The following ADAMTS15 variants were observed in gnomAD, a reference collection of about 807,000 sequenced individuals.
ADAMTS15 encodes the protein ADAM metallopeptidase with thrombospondin type 1 motif 15, also known as A disintegrin and metalloproteinase with thrombospondin motifs 15.
A neutral mutation model predicts 79.1 loss-of-function variants in ADAMTS15; 35 were observed. That is an observed-to-expected ratio of 0.44 (90% confidence interval 0.34 to 0.59). The LOEUF is 0.59. Among genes scored for constraint, ADAMTS15 ranks in the 20% least tolerant of loss-of-function variants. ADAMTS15 has a pLI of 0.02. For synonymous variants in ADAMTS15, 616 were observed against 567.3 expected (o/e 1.09, Z -1.22); for missense variants, 1,324 against 1,318.7 (o/e 1.00, Z -0.06).
intron 5 of ADAMTS15, among the ~76,000 whole-genome samples, chr11:130,470,166 A>ATATATATATG (rs1938408944): frequency 1.7e-5 from 1 of 57,584 alleles, no homozygotes; most frequent in African/African-American, 1.0e-4. Flanking sequence ...ATATATATAT[A>ATATATATATG]TATATATATA....
At chr11:130,464,892 G>A (rs1431233846) in intron 4 of ADAMTS15, among the ~76,000 whole-genome samples, 2 of 151,738 alleles carry the variant, frequency 1.3e-5, no homozygotes, top group Non-Finnish European at 2.9e-5. Flanking sequence ...GCTTGAACAC[G>A]GGAGGCAGAG....
intron 1 of ADAMTS15, among the ~76,000 whole-genome samples, chr11:130,458,348 C>G (rs1938131239): frequency 2.0e-5 from 3 of 152,242 alleles, no homozygotes; most frequent in African/African-American, 7.2e-5. Flanking sequence ...GCCCGAGCCA[C>G]TGCATCCTGC....
chr11:130,462,928 C>T lies in ADAMTS15; in HGVS notation c.1542+148C>T, dbSNP rs1938233178. 2 of 1,089,190 alleles carry T rather than the reference C, an allele frequency of 1.8e-6. No individual in the cohort carries two copies. Among genetic ancestry groups the T allele is most frequent in the South Asian group, 1.7e-5 (1 of 58,322 alleles). The allele number at this position is 1,089,190 out of a possible 1,614,324, so 67.5% of individuals were successfully genotyped here. ...CTGTTGCATGGCTGAGCTGTGCCTT[C>T]ACTGCCCTGTATATAGTCCTATCCC... On this transcript the variant is annotated intron_variant, in intron 4 of 7. Coordinates refer to ENST00000299164, the MANE Select transcript of ADAMTS15 (RefSeq NM_139055.4). The surrounding 1 kb of genome is among the most constrained non-coding windows in gnomAD (Gnocchi z 4.3).
chr11:130,455,749 G>A (rs896765684), intron 1 of ADAMTS15, among the ~76,000 whole-genome samples: 4 of 152,180 alleles, frequency 2.6e-5, no homozygotes, highest in Admixed American at 2.6e-4. Context: ...CAGCAGACAA[G>A]GTGCATGGCA....
Position 130,462,036 on chromosome 11 carries a change from A to AC in ADAMTS15, c.1091-46dup. On this transcript the variant is annotated intron_variant, in intron 2 of 7. Coordinates refer to ENST00000299164, the MANE Select transcript of ADAMTS15 (RefSeq NM_139055.4). This position sits in a 1 kb window ranked among gnomAD's most constrained non-coding sequence, Gnocchi z 4.3. ...TTCCCCTGCCCCATTCCTCCCTCCA[A>AC]CCCCCATGTCCTTCCTCCTGCCCTC... 1 of 1,548,644 alleles carries AC rather than the reference A, an allele frequency of 6.5e-7. No individual in the cohort carries two copies. Among genetic ancestry groups the AC allele is most frequent in the East Asian group, 2.3e-5 (1 of 44,038 alleles).
rs906504659 is a variant in ADAMTS15 at position 130,472,709 on chromosome 11, G to A, written c.2079-338G>A. Reference sequence around the variant, plus strand: ...CCTCCTCCTCCTCCTCCTCCTCCTCGTCCTCATGGCAGATGTCTACATATC... The same window carrying A: ...CCTCCTCCTCCTCCTCCTCCTCCTCATCCTCATGGCAGATGTCTACATATC... On this transcript the variant is annotated intron_variant, in intron 7 of 7. Transcript: ENST00000299164. The surrounding 1 kb of genome is among the most constrained non-coding windows in gnomAD (Gnocchi z 4.7). Among the ~76,000 whole-genome samples the A allele has an allele frequency of 3.5e-5, 4 of 115,818 alleles. No homozygotes were observed. The highest frequency in any genetic ancestry group is 1.8e-4 in the Admixed American group (2 of 10,904). The allele number at this position is 115,818 out of a possible 152,430, so 76.0% of individuals were successfully genotyped here. A position where few individuals can be genotyped will look rare whatever the true frequency, so the allele number is the denominator to read the frequency against.
chr11:130,449,339 G>A lies in ADAMTS15; in HGVS notation c.366G>A (p.Gly122=), dbSNP rs1937905264. Residue 122 remains glycine (G), a synonymous_variant, in exon 1 of 8, where the codon GGG becomes GGA. Coordinates refer to ENST00000299164, the MANE Select transcript of ADAMTS15 (RefSeq NM_139055.4). The surrounding 1 kb of genome is among the most constrained non-coding windows in gnomAD (Gnocchi z 7.8). The part of the protein sequence containing the change: ...DSFAAVSLCG[G]LRGAFGYRGA... ...TCGCTGCTGTGAGCCTGTGCGGGGGGCTCCGCGGAGCCTTTGGCTACCGAG... is the reference window on the plus strand; with the variant it reads ...TCGCTGCTGTGAGCCTGTGCGGGGGACTCCGCGGAGCCTTTGGCTACCGAG... 2.5e-6 allele frequency: 4 copies of A among 1,608,268 alleles called. No individual in the cohort carries two copies. In the Middle Eastern group the frequency reaches 5.0e-4, roughly 199 times the overall value.
chr11:130,449,205 G>A lies in ADAMTS15; in HGVS notation c.232G>A (p.Ala78Thr). 1.2e-6 allele frequency: 2 copies of A among 1,613,954 alleles called. No homozygotes were observed. The highest frequency in any genetic ancestry group is 2.2e-5 in the South Asian group (2 of 91,078). The change falls in exon 1 of 8, where the codon GCC becomes ACC. Residue 78 changes from alanine (A) to threonine (T), a missense_variant. Coordinates refer to ENST00000299164, the MANE Select transcript of ADAMTS15 (RefSeq NM_139055.4). This position sits in a 1 kb window ranked among gnomAD's most constrained non-coding sequence, Gnocchi z 7.8. ...LTPDAQFLAP[A>T]FSTEHLGVPL... ...GCCGGATGCTCAGTTCTTGGCTCCC[G>A]CCTTCTCCACTGAGCATCTGGGCGT... is the stretch of plus-strand genomic sequence containing the variant.
chr11:130,452,704 C>A (rs895609228), intron 1 of ADAMTS15, among the ~76,000 whole-genome samples: 3 of 152,204 alleles, frequency 2.0e-5, no homozygotes, highest in African/African-American at 7.2e-5. Context: ...TGGCCTTGGC[C>A]GGGCGCAGTG....
rs758998311 is a variant in ADAMTS15, at chr11:130,470,837, C to T, written c.1721-83C>T. 253 of 1,469,674 alleles carry T rather than the reference C, an allele frequency of 1.7e-4. 1 individual carries two copies. The highest frequency in any genetic ancestry group is 2.5e-4 in the Middle Eastern group (1 of 4,008). 91.0% of individuals were successfully genotyped at this position (1,469,674 alleles called of 1,614,324 possible). A position where few individuals can be genotyped will look rare whatever the true frequency, so the allele number is the denominator to read the frequency against. On this transcript the variant is annotated intron_variant, in intron 5 of 7. Coordinates refer to ENST00000299164, the MANE Select transcript of ADAMTS15 (RefSeq NM_139055.4). ...AGGGTGGGAAGGGCTAAGAGAGCCA[C>T]GGCAGGCTGGGAGGGAGGCTTGTCC... is the stretch of plus-strand genomic sequence containing the variant.
At chr11:130,461,946 T>C (rs1349227126) in intron 2 of ADAMTS15, 141 bp from the exon 3 acceptor site, 2 of 1,020,492 alleles carry the variant, frequency 2.0e-6, no homozygotes, top group East Asian at 4.9e-5. Flanking sequence ...CTTGAGGACA[T>C]TTGAAAGCAG....
rs984110317 is a variant in ADAMTS15 at position 130,475,639 on chromosome 11, G to A, written c.*1818G>A. The A allele has an allele frequency of 1.3e-5, 2 of 152,388 alleles. No individual in the cohort carries two copies. Among genetic ancestry groups the A allele is most frequent in the Non-Finnish European group, 2.9e-5 (2 of 68,196 alleles). The allele number at this position is 152,388 out of a possible 1,614,324, so 9.4% of individuals were successfully genotyped here. A position where few individuals can be genotyped will look rare whatever the true frequency, so the allele number is the denominator to read the frequency against. ...GGTCTAACGCTGGGCTGGAAACCTT[G>A]GACAGAGTTCATGCGGGGGCAGAGG... On this transcript the variant is annotated 3_prime_UTR_variant, in exon 8 of 8. Coordinates refer to ENST00000299164, the MANE Select transcript of ADAMTS15 (RefSeq NM_139055.4).
chr11:130,461,189 T>C (rs1453476828), intron 1 of ADAMTS15, among the ~76,000 whole-genome samples: 1 of 152,134 alleles, frequency 6.6e-6, no homozygotes, highest in African/African-American at 2.4e-5. Flanking sequence ...GTAGTGGCCC[T>C]TGTAGTTTAA....
In ADAMTS15 at chr11:130,462,480, C is replaced by A; in HGVS notation, c.1259-17C>A. The A allele has an allele frequency of 6.4e-7, 1 of 1,570,546 alleles. No individual in the cohort carries two copies. The highest frequency in any genetic ancestry group is 1.2e-5 in the South Asian group (1 of 84,882). The stretch of plus-strand genomic sequence containing the variant: ...TCTTCCCAGCTCATCCTAACGAACG[C>A]CCTCGGCTCTCTGCAGGTGACTGCC... On this transcript the variant is annotated splice_polypyrimidine_tract_variant and intron_variant, in intron 3 of 7. Coordinates refer to ENST00000299164, the MANE Select transcript of ADAMTS15 (RefSeq NM_139055.4). This position sits in a 1 kb window ranked among gnomAD's most constrained non-coding sequence, Gnocchi z 4.3.
At chr11:130,464,669 T>A (rs547668083) in intron 4 of ADAMTS15, among the ~76,000 whole-genome samples, 1 of 152,260 alleles carries the variant, frequency 6.6e-6, no homozygotes, top group Admixed American at 6.5e-5. Flanking sequence ...TGGTCTCAGT[T>A]TAAATTCATG....
intron 1 of ADAMTS15, among the ~76,000 whole-genome samples, chr11:130,460,632 C>A (rs1224225393): frequency 6.6e-6 from 1 of 152,180 alleles, no homozygotes; most frequent in Non-Finnish European, 1.5e-5. Context: ...ATCCTATTTC[C>A]AACTTTTGGG....
chr11:130,462,017 T>G lies in ADAMTS15; in HGVS notation c.1091-70T>G. 1,655 of 1,021,632 alleles carry G rather than the reference T, an allele frequency of 1.6e-3. No homozygotes were observed. Among genetic ancestry groups the G allele is most frequent in the Non-Finnish European group, 2.3e-3 (1,510 of 668,738 alleles). The allele number at this position is 1,021,632 out of a possible 1,614,324, so 63.3% of individuals were successfully genotyped here. A position where few individuals can be genotyped will look rare whatever the true frequency, so the allele number is the denominator to read the frequency against. ...TCTGACATGGGCTTTCTAGTTCCCC[T>G]GCCCCATTCCTCCCTCCAACCCCCA... On this transcript the variant is annotated intron_variant, in intron 2 of 7. Transcript: ENST00000299164. This position sits in a 1 kb window ranked among gnomAD's most constrained non-coding sequence, Gnocchi z 4.3.
rs762890434 is a variant in ADAMTS15, at chr11:130,449,312, G to C, written c.339G>C (p.Ser113=). 1 of 1,610,494 alleles carries C rather than the reference G, an allele frequency of 6.2e-7. No individual in the cohort carries two copies. Among genetic ancestry groups the C allele is most frequent in the South Asian group, 1.1e-5 (1 of 91,092 alleles). The change falls in exon 1 of 8, where the codon TCG becomes TCC. Residue 113 remains serine, a synonymous_variant. Transcript: ENST00000299164. This position sits in a 1 kb window ranked among gnomAD's most constrained non-coding sequence, Gnocchi z 7.8. ...YSGDVNAEPD[S]FAAVSLCGGL... ...GGGACGTGAACGCCGAGCCGGACTC[G>C]TTCGCTGCTGTGAGCCTGTGCGGGG...
At chr11:130,471,404 G>A in intron 7 of ADAMTS15, 21 bp downstream of exon 7, 2 of 1,591,184 alleles carry the variant, frequency 1.3e-6, no homozygotes, top group Non-Finnish European at 1.7e-6. Context: ...GGCCCTGAAG[G>A]TCCTGCCAGG....
Sources: gnomAD v4.1 joint callset for allele counts (sites outside exome capture counted in the v4.1 genomes callset) on GRCh38, gnomAD v4.1.1 for gene constraint, Gnocchi (gnomAD v3.1) non-coding constraint, MANE v1.5 for transcripts, NCBI Gene and HGNC (gene_info 2026-07-23, HGNC 2026-07-21) for gene names.